Variants in NEGR1 observed in about 807,000 individuals in gnomAD.
NEGR1 encodes IgLON family member 4.
Under a neutral mutation model 40.9 loss-of-function variants are expected in NEGR1, and 10 were observed. The observed-to-expected ratio is 0.24, with a 90% CI of 0.15 to 0.42. The LOEUF (loss-of-function observed/expected upper bound fraction) is 0.42, where lower values mean the gene tolerates loss of function less well. Among genes scored for constraint, NEGR1 ranks in the 10% least tolerant of loss-of-function variants. The pLI is 1.00. For synonymous variants in NEGR1, 185 were observed against 166.8 expected, an observed-to-expected ratio of 1.11 and a Z score of -0.84; for missense variants, 352 against 438.9, an observed-to-expected ratio of 0.80 and a Z score of 1.77.
intron 1 of NEGR1, among the ~76,000 whole-genome samples, chr1:71,991,107 C>A (rs1646446784): frequency 1.3e-5 from 2 of 152,010 alleles, no homozygotes; most frequent in Non-Finnish European, 2.9e-5. Flanking sequence ...CCCTGCTCAA[C>A]TTCTCAAAAT....
At chr1:71,554,870 C>CT (rs1208294953) in intron 6 of NEGR1, among the ~76,000 whole-genome samples, 3 of 151,472 alleles carry the variant, frequency 2.0e-5, no homozygotes, top group African/African-American at 7.3e-5. Context: ...AAAGGGGACG[C>CT]TTTAGAGCAC....
At chr1:71,636,933 G>C (rs937701375) in intron 4 of NEGR1, among the ~76,000 whole-genome samples, 6 of 151,890 alleles carry the variant, frequency 4.0e-5, no homozygotes, top group African/African-American at 1.5e-4. Context: ...GGAAAGACTG[G>C]GGTAAATGTG....
intron 1 of NEGR1, among the ~76,000 whole-genome samples, chr1:71,941,784 T>G (rs1645961762): frequency 6.6e-6 from 1 of 152,148 alleles, no homozygotes; most frequent in South Asian, 2.1e-4. Context: ...ATTTTAAGCA[T>G]GTTATGTATA....
intron 3 of NEGR1, among the ~76,000 whole-genome samples, chr1:71,755,371 C>T (rs1655698150): frequency 6.6e-6 from 1 of 152,162 alleles, no homozygotes; most frequent in African/African-American, 2.4e-5. Flanking sequence ...GCAACTCGTT[C>T]TCTACATAGC....
rs1657519898 is a variant in NEGR1 at position 71,800,626 on chromosome 1, T to C, written c.410-24329A>G. 2.6e-5 allele frequency among the ~76,000 whole-genome samples: 4 copies of C among 152,226 alleles called. No individual in the cohort carries two copies. The South Asian group carries it at 8.3e-4, about 31-fold the overall frequency. On this transcript the variant is annotated intron_variant, in intron 2 of 6. Coordinates refer to ENST00000357731, the MANE Select transcript of NEGR1 (RefSeq NM_173808.3). ...CACTTTCAATCAAAATTATTTGCTT[T>C]CTTTCCACATGGTAGCCTCTGTGTG...
chr1:71,529,836 G>T (rs1647299803), intron 6 of NEGR1, among the ~76,000 whole-genome samples: 1 of 151,086 alleles, frequency 6.6e-6, no homozygotes, highest in Non-Finnish European at 1.5e-5. Flanking sequence ...ACTAATGAAA[G>T]AATAGTTTTC....
chr1:72,020,059 A>T (rs1173657725), intron 1 of NEGR1, among the ~76,000 whole-genome samples: 2 of 152,340 alleles, frequency 1.3e-5, no homozygotes, highest in East Asian at 3.9e-4. Context: ...ATTACTTCTG[A>T]GTATAAGATT....
chr1:71,974,452 T>A lies in NEGR1; in HGVS notation c.177-39141A>T, dbSNP rs977787582. Among the ~76,000 whole-genome samples the A allele has an allele frequency of 3.3e-5, 5 of 152,190 alleles. 1 individual carries two copies. The South Asian group carries it at 1.0e-3, about 31-fold the overall frequency. On this transcript the variant is annotated intron_variant, in intron 1 of 6. Coordinates refer to ENST00000357731, the MANE Select transcript of NEGR1 (RefSeq NM_173808.3). ...TTTTTTCTTTGAGCCTCTGATAGAC[T>A]ATTACACTATTTTGATAATAGCATT...
In NEGR1 at chr1:72,205,756, CAAAAAAA is replaced by C. The variant is rs35490878; in HGVS notation, c.176+76556_176+76562del. 2.4e-3 allele frequency among the ~76,000 whole-genome samples: 74 copies of C among 30,890 alleles called. 1 individual carries two copies. The highest frequency in any genetic ancestry group is 0.022 in the South Asian group (14 of 640). The allele number at this position is 30,890 out of a possible 152,430, so 20.3% of individuals were successfully genotyped here. A position where few individuals can be genotyped will look rare whatever the true frequency, so the allele number is the denominator to read the frequency against. On this transcript the variant is annotated intron_variant, in intron 1 of 6. Coordinates refer to ENST00000357731, the MANE Select transcript of NEGR1 (RefSeq NM_173808.3). ...GGCAAATGGCAAAACCCCATTTCTA[CAAAAAAA>C]AAAAAAAAAAAAAAAAAAAAATACA...
At chr1:71,668,596 C>A (rs139912578) in intron 4 of NEGR1, among the ~76,000 whole-genome samples, 1 of 152,032 alleles carries the variant, frequency 6.6e-6, no homozygotes, top group East Asian at 1.9e-4. Flanking sequence ...GAAGATAAAA[C>A]GTGACTGAAA....
chr1:72,046,299 G>A (rs1647001694), intron 1 of NEGR1, among the ~76,000 whole-genome samples: 1 of 151,508 alleles, frequency 6.6e-6, no homozygotes, highest in Non-Finnish European at 1.5e-5. Flanking sequence ...TATTTTTGAA[G>A]GAGCATGAAG....
chr1:72,135,943 G>T (rs527289158), intron 1 of NEGR1, among the ~76,000 whole-genome samples: 6 of 152,222 alleles, frequency 3.9e-5, no homozygotes, highest in African/African-American at 1.4e-4. Context: ...AGAATAATTT[G>T]CCCAAGATTG....
chr1:71,489,872 C>T (rs1035800814), intron 6 of NEGR1: 1 of 151,872 alleles, frequency 6.6e-6, no homozygotes, highest in African/African-American at 2.4e-5. Context: ...GTTCTCAATT[C>T]ATCACAGAAG....
chr1:72,044,507 C>T (rs1646983766), intron 1 of NEGR1, among the ~76,000 whole-genome samples: 1 of 151,638 alleles, frequency 6.6e-6, no homozygotes. Context: ...GCAACTATAT[C>T]CTAAATGCAG....
chr1:72,259,757 G>C (rs12073950), intron 1 of NEGR1, among the ~76,000 whole-genome samples: 6,475 of 152,112 alleles, frequency 0.043, 453 homozygotes, highest in African/African-American at 0.15. Flanking sequence ...GTATGAACAT[G>C]GGGAAGACGA....
At chr1:71,496,329 T>C (rs1646962811) in intron 6 of NEGR1, among the ~76,000 whole-genome samples, 1 of 152,046 alleles carries the variant, frequency 6.6e-6, no homozygotes, top group South Asian at 2.1e-4. Context: ...CTTCCAGAAC[T>C]AGAAGGAATT....
At chr1:71,502,782 G>C (rs576332253) in intron 6 of NEGR1, among the ~76,000 whole-genome samples, 12 of 152,296 alleles carry the variant, frequency 7.9e-5, no homozygotes, top group African/African-American at 2.6e-4. Flanking sequence ...ATTCAACCTT[G>C]GTGGTTGGGC....
chr1:72,146,625 A>G (rs74917629), intron 1 of NEGR1, among the ~76,000 whole-genome samples: 1,831 of 152,234 alleles, frequency 0.012, 28 homozygotes, highest in African/African-American at 0.041. Flanking sequence ...ATATACATGA[A>G]ACATAAATAA....
chr1:71,791,737 A>G (rs1483763870), intron 2 of NEGR1, among the ~76,000 whole-genome samples: 1 of 152,136 alleles, frequency 6.6e-6, no homozygotes, highest in Non-Finnish European at 1.5e-5. Flanking sequence ...CCTAAGAGTC[A>G]TAAGAAAGAT....
Sources: allele counts gnomAD v4.1 joint callset (sites outside exome capture counted in the v4.1 genomes callset), GRCh38; gene constraint gnomAD v4.1.1; transcripts MANE v1.5; gene names NCBI Gene and HGNC (gene_info 2026-07-23, HGNC 2026-07-21).